RGS12: variants seen among roughly 807,000 people sequenced by gnomAD.
RGS12 encodes the protein regulator of G-protein signaling 12.
In RGS12, 66 loss-of-function variants were observed where a neutral mutation model predicts 120.1. The observed-to-expected ratio is 0.55, with a 90% CI of 0.45 to 0.67. The LOEUF is 0.67. Among genes scored for constraint, RGS12 ranks in the 30% least tolerant of loss-of-function variants. RGS12 has a pLI of 0.00. For synonymous variants in RGS12, 827 were observed against 804.7 expected, an observed-to-expected ratio of 1.03 and a Z score of -0.47; for missense variants, 1,859 against 1,957.7, an observed-to-expected ratio of 0.95 and a Z score of 0.95.
At chr4:3,394,245 C>T (rs1026410936) in intron 4 of RGS12, among the ~76,000 whole-genome samples, 1 of 152,150 alleles carries the variant, frequency 6.6e-6, no homozygotes, top group African/African-American at 2.4e-5. Flanking sequence ...TCACTACAAC[C>T]TCTGCCTCTT....
At chr4:3,314,655 C>G (rs763099527) in intron 1 of RGS12, 3 of 152,258 alleles carry the variant, frequency 2.0e-5, no homozygotes, top group Non-Finnish European at 1.5e-5. Flanking sequence ...CCACCTGCCT[C>G]GGCCTCCCAA....
chr4:3,421,523 C>A (rs550199944), intron 10 of RGS12, among the ~76,000 whole-genome samples: 1 of 152,236 alleles, frequency 6.6e-6, no homozygotes, highest in Non-Finnish European at 1.5e-5. Context: ...CCATTCTGGC[C>A]GGCCTTGCCG....
intron 3 of RGS12, among the ~76,000 whole-genome samples, chr4:3,376,390 G>A (rs1717698869): frequency 6.6e-6 from 1 of 152,234 alleles, no homozygotes; most frequent in African/African-American, 2.4e-5. Context: ...TTGCACGTGG[G>A]AGCTGGGCTG....
Position 3,372,671 on chromosome 4 carries a change from G to A in RGS12, c.1999-13745G>A, listed in dbSNP as rs1717157606. Among the ~76,000 whole-genome samples, 1 of 152,238 alleles carries A rather than the reference G, an allele frequency of 6.6e-6. No individual in the cohort carries two copies. The highest frequency in any genetic ancestry group is 1.5e-5 in the Non-Finnish European group (1 of 68,046). ...AGGGTGTCCTTTCTTTCCTTCATGA[G>A]AAGAAGTTCTGCAGTGTCAGACACT... On this transcript the variant is annotated intron_variant, in intron 3 of 17. Coordinates refer to ENST00000336727, the MANE Select transcript of RGS12 (RefSeq NM_001394154.1). This position sits in a 1 kb window ranked among gnomAD's most constrained non-coding sequence, Gnocchi z 4.3.
intron 2 of RGS12, chr4:3,342,266 G>A: frequency 2.4e-6 from 1 of 412,262 alleles, no homozygotes; most frequent in Non-Finnish European, 3.7e-6. Flanking sequence ...GATGCTTTTT[G>A]TTTTTAAGAG....
chr4:3,414,667 G>A, intron 5 of RGS12, 85 bp from the exon 6 acceptor site: 2 of 972,558 alleles, frequency 2.1e-6, no homozygotes, highest in Admixed American at 3.5e-5. Flanking sequence ...AGCAGCCAGT[G>A]ACCCCGTGGT....
At chr4:3,295,660 C>CAAA (rs35692556) in intron 1 of RGS12, among the ~76,000 whole-genome samples, 9 of 58,108 alleles carry the variant, frequency 1.5e-4, no homozygotes, top group African/African-American at 1.9e-4. Flanking sequence ...AACTCTGTCT[C>CAAA]AAAAAAAAAA....
At chr4:3,315,111 G>A (rs971434059) in intron 1 of RGS12, among the ~76,000 whole-genome samples, 1 of 152,240 alleles carries the variant, frequency 6.6e-6, no homozygotes, top group Admixed American at 6.5e-5. Context: ...GGCTCACTGT[G>A]TAGGGAGTTA....
chr4:3,327,758 G>C (rs923273420), intron 2 of RGS12, among the ~76,000 whole-genome samples: 1 of 152,198 alleles, frequency 6.6e-6, no homozygotes, highest in African/African-American at 2.4e-5. Flanking sequence ...AACAGATGTT[G>C]TCAAGGGAAC....
intron 3 of RGS12, among the ~76,000 whole-genome samples, chr4:3,382,813 A>G (rs1718403318): frequency 6.6e-6 from 1 of 152,120 alleles, no homozygotes; most frequent in Admixed American, 6.5e-5. Context: ...ACTGTCGGAC[A>G]TTCCATATGG....
intron 2 of RGS12, among the ~76,000 whole-genome samples, chr4:3,331,244 A>G (rs1299575911): frequency 6.6e-6 from 1 of 152,364 alleles, no homozygotes; most frequent in African/African-American, 2.4e-5. Context: ...ACATATGTTT[A>G]TATGTAAATA....
At chr4:3,406,339 G>A (rs558259746) in intron 4 of RGS12, among the ~76,000 whole-genome samples, 37 of 152,372 alleles carry the variant, frequency 2.4e-4, no homozygotes, top group African/African-American at 8.7e-4. Context: ...ATGAGGCCAA[G>A]CTCTGCCTTC....
chr4:3,413,984 GT>G, intron 4 of RGS12, 87 bp from the exon 5 acceptor site: 1 of 1,375,992 alleles, frequency 7.3e-7, no homozygotes, highest in Admixed American at 2.4e-5. Context: ...CTTGCTGCGT[GT>G]CCCAGGGTCT....
intron 1 of RGS12, among the ~76,000 whole-genome samples, chr4:3,308,407 G>A (rs1256337473): frequency 6.6e-6 from 1 of 152,184 alleles, no homozygotes; most frequent in Non-Finnish European, 1.5e-5. Context: ...CTGCAGGCGG[G>A]CCGTGGCACT....
intron 3 of RGS12, among the ~76,000 whole-genome samples, chr4:3,347,539 C>T (rs1350452297): frequency 6.6e-6 from 1 of 152,176 alleles, no homozygotes; most frequent in Non-Finnish European, 1.5e-5. Flanking sequence ...AAAAACATCT[C>T]ATCAGTTATT....
chr4:3,430,908 T>C lies in RGS12; in HGVS notation c.4067T>C (p.Leu1356Pro). The change falls in exon 17 of 18, where the codon CTG (leucine) becomes CCG (proline). Residue 1356 changes from leucine (L) to proline (P), a missense_variant. Transcript: ENST00000336727. ...ATCAGCAGCCCCAACAGCACCTTGC[T>C]GCCGCCGCCCTCCACCCCCCAGGAA... The part of the protein sequence containing the change: ...GDISSPNSTL[L>P]PPPSTPQEVP... 1 of 1,612,834 alleles carries C rather than the reference T, an allele frequency of 6.2e-7. No homozygotes were observed. The highest frequency in any genetic ancestry group is 8.5e-7 in the Non-Finnish European group (1 of 1,179,954).
Position 3,439,662 on chromosome 4 carries a change from C to T in RGS12, c.4322C>T (p.Ala1441Val). The T allele has an allele frequency of 6.5e-7, 1 of 1,549,524 alleles. No individual in the cohort carries two copies. Among genetic ancestry groups the T allele is most frequent in the Non-Finnish European group, 8.7e-7 (1 of 1,148,092 alleles). The change falls in exon 18 of 18, where the codon GCT becomes GTT. Residue 1441 changes from alanine (A) to valine (V), a missense_variant. Ala to Val is a moderately conservative substitution (Grantham distance 64, BLOSUM62 0). This residue lies in a region of RGS12 where 517 missense variants were observed against 488.5 expected (regional missense o/e 1.06). Coordinates refer to ENST00000336727, the MANE Select transcript of RGS12 (RefSeq NM_001394154.1). Reference protein sequence around the residue: ...PGEPAKPKTSAHHATFV With the variant: ...PGEPAKPKTSVHHATFV ...GAGCCTGCTAAGCCCAAGACCAGCG[C>T]TCACCACGCCACCTTCGTCTGAGCT...
At chr4:3,290,796 T>C (rs1371453584), upstream of RGS12, among the ~76,000 whole-genome samples, 5 of 152,230 alleles carry the variant, frequency 3.3e-5, no homozygotes, top group Admixed American at 3.3e-4. Context: ...GGCCAGGGAC[T>C]GACCACCCAG....
intron 2 of RGS12, among the ~76,000 whole-genome samples, chr4:3,331,438 A>C (rs1711829681): frequency 6.6e-6 from 1 of 152,198 alleles, no homozygotes; most frequent in African/African-American, 2.4e-5. Context: ...AATTATTTAA[A>C]AAATTATTTT....
Sources: gnomAD v4.1 joint callset for allele counts (sites outside exome capture counted in the v4.1 genomes callset) on GRCh38, gnomAD v4.1.1 for gene constraint, gnomAD v4.1.1 regional missense constraint, Gnocchi (gnomAD v3.1) non-coding constraint, MANE v1.5 for transcripts, NCBI Gene and HGNC (gene_info 2026-07-23, HGNC 2026-07-21) for gene names.